Variants in SPTLC2 observed in about 807,000 individuals in gnomAD.
The protein encoded by SPTLC2 is serine palmitoyltransferase 2.
SPTLC2 carries 21 observed loss-of-function variants against 62.0 expected under a neutral mutation model. The observed-to-expected ratio is 0.34, with a 90% CI of 0.24 to 0.49. The LOEUF is 0.49. Ranked by LOEUF, SPTLC2 falls within the 20% of genes least tolerant of loss-of-function variation. The pLI is 0.99. For missense variants in SPTLC2, 511 were observed against 713.0 expected, an observed-to-expected ratio of 0.72 and a Z score of 3.23; for synonymous variants, 261 against 261.8, an observed-to-expected ratio of 1.00 and a Z score of 0.03.
chr14:77,520,335 C>T (rs2079379714), intron 10 of SPTLC2, among the ~76,000 whole-genome samples: 1 of 152,222 alleles, frequency 6.6e-6, no homozygotes, highest in African/African-American at 2.4e-5. Context: ...TTCCTTACTT[C>T]CCTTTCATTC....
At chr14:77,569,927 A>G (rs964160954) in intron 5 of SPTLC2, among the ~76,000 whole-genome samples, 1 of 127,554 alleles carries the variant, frequency 7.8e-6, no homozygotes, top group African/African-American at 2.6e-5. Context: ...AGCCTCCCAA[A>G]GCACTGGGAT....
rs71452856 is a variant in SPTLC2 at position 77,529,620 on chromosome 14, CTTTTTT to C, written c.1304-8045_1304-8040del. On this transcript the variant is annotated intron_variant, in intron 9 of 11. Coordinates refer to ENST00000216484, the MANE Select transcript of SPTLC2 (RefSeq NM_004863.4). Reference sequence around the variant, plus strand: ...TTCTAGGAAAGCAATTTCTTTCTTTCTTTTTTTTTTTTTTTTTTTTTTGAGACAGAG... The same window carrying C: ...TTCTAGGAAAGCAATTTCTTTCTTTCTTTTTTTTTTTTTTTTGAGACAGAG... 1.0e-3 allele frequency among the ~76,000 whole-genome samples: 79 copies of C among 76,058 alleles called. 1 individual carries two copies. Among genetic ancestry groups the C allele is most frequent in the African/African-American group, 3.1e-3 (76 of 24,620 alleles). 49.9% of individuals were successfully genotyped at this position (76,058 alleles called of 152,430 possible).
chr14:77,525,944 C>T (rs1419571977), intron 9 of SPTLC2, among the ~76,000 whole-genome samples: 2 of 151,990 alleles, frequency 1.3e-5, no homozygotes, highest in Non-Finnish European at 2.9e-5. Context: ...ATAAAGTGGC[C>T]TGTTATCCTT....
chr14:77,606,209 A>T (rs1457688949), intron 1 of SPTLC2, among the ~76,000 whole-genome samples: 1 of 152,214 alleles, frequency 6.6e-6, no homozygotes, highest in Non-Finnish European at 1.5e-5. Context: ...GCACGCCCAT[A>T]ATCCCAGCTA....
chr14:77,549,102 A>G (rs140441090), intron 9 of SPTLC2, among the ~76,000 whole-genome samples: 1 of 152,054 alleles, frequency 6.6e-6, no homozygotes, highest in East Asian at 1.9e-4. Flanking sequence ...AGGTGTGTGG[A>G]TCATGGGGAG....
intron 2 of SPTLC2, 115 bp downstream of exon 2, chr14:77,597,071 G>T: frequency 2.0e-6 from 2 of 985,240 alleles, no homozygotes; most frequent in South Asian, 1.5e-5. Context: ...ACTGCATCTG[G>T]AATAGTTTAA....
chr14:77,535,461 C>T (rs2079464906), intron 9 of SPTLC2: 1 of 153,158 alleles, frequency 6.5e-6, no homozygotes, highest in Admixed American at 6.5e-5. Flanking sequence ...TGAGAGCTAT[C>T]TATATTTAGA....
Position 77,579,005 on chromosome 14 carries a change from G to A in SPTLC2, c.432C>T (p.Ala144=), listed in dbSNP as rs139381733. 5.9e-5 allele frequency: 95 copies of A among 1,614,024 alleles called. No individual in the cohort carries two copies. In the African/African-American group the frequency reaches 1.2e-3, roughly 21 times the overall value. ...ACTGTCTCTCCATGATGTCCACCCT[G>A]GCTCCAGGCACACTACAGATTGGCC... is the stretch of plus-strand genomic sequence containing the variant. The part of the protein sequence containing the change: ...WNRPICSVPG[A]RVDIMERQSH... The change falls in exon 3 of 12, where the codon GCC becomes GCT. Residue 144 remains alanine, a synonymous_variant. Coordinates refer to ENST00000216484, the MANE Select transcript of SPTLC2 (RefSeq NM_004863.4).
intron 5 of SPTLC2, among the ~76,000 whole-genome samples, 157 bp from the exon 6 acceptor site, chr14:77,562,646 C>T (rs1014664857): frequency 6.6e-6 from 1 of 152,164 alleles, no homozygotes; most frequent in African/African-American, 2.4e-5. Context: ...AAGGTGTACA[C>T]GATCATTTGT....
intron 9 of SPTLC2, among the ~76,000 whole-genome samples, chr14:77,533,770 T>C (rs536493652): frequency 6.6e-6 from 1 of 152,318 alleles, no homozygotes; most frequent in African/African-American, 2.4e-5. Context: ...TTAGATTCGA[T>C]AGCAAAAGTA....
intron 3 of SPTLC2, among the ~76,000 whole-genome samples, chr14:77,578,473 T>G (rs1304776806): frequency 1.3e-5 from 2 of 151,962 alleles, no homozygotes; most frequent in African/African-American, 2.4e-5. Flanking sequence ...TCCCAGCACT[T>G]TGGGAGGCTG....
Position 77,539,483 on chromosome 14 carries a change from CTTTTTTT to C in SPTLC2, c.1303+12606_1303+12612del, listed in dbSNP as rs71128638. 2.1e-4 allele frequency among the ~76,000 whole-genome samples: 11 copies of C among 53,486 alleles called. No individual in the cohort carries two copies. In the East Asian group the frequency reaches 7.4e-3, roughly 36 times the overall value. 35.1% of individuals were successfully genotyped at this position (53,486 alleles called of 152,430 possible). A position where few individuals can be genotyped will look rare whatever the true frequency, so the allele number is the denominator to read the frequency against. On this transcript the variant is annotated intron_variant, in intron 9 of 11. Transcript: ENST00000216484. The stretch of plus-strand genomic sequence containing the variant: ...AAAATGAAAATTTTATCTTAAGAGG[CTTTTTTT>C]TTTTTTTTTTTTTTTTGGAGATGGG...
rs571638193 is a variant in SPTLC2, at chr14:77,609,235, G to C, written c.132+7213C>G. On this transcript the variant is annotated intron_variant, in intron 1 of 11. Coordinates refer to ENST00000216484, the MANE Select transcript of SPTLC2 (RefSeq NM_004863.4). ...TTTCCTTTCCTCCTCAGAAGAATTG[G>C]GAATTTGGTGTTTATCATTCCCCTG... is the stretch of plus-strand genomic sequence containing the variant. 1.1e-4 allele frequency among the ~76,000 whole-genome samples: 16 copies of C among 152,134 alleles called. No individual in the cohort carries two copies. The South Asian group carries it at 3.1e-3, about 30-fold the overall frequency.
chr14:77,536,351 G>A (rs993195616), intron 9 of SPTLC2, among the ~76,000 whole-genome samples: 1 of 151,796 alleles, frequency 6.6e-6, no homozygotes, highest in Admixed American at 6.6e-5. Flanking sequence ...GCTCACTGTA[G>A]GTCAGGTATT....
At position 77,576,790 on chromosome 14, in the gene SPTLC2, A is replaced by G. The variant is rs780627894; in HGVS notation, c.608T>C (p.Val203Ala). The G allele has an allele frequency of 6.2e-7, 1 of 1,614,070 alleles. No homozygotes were observed. The highest frequency in any genetic ancestry group is 8.5e-7 in the Non-Finnish European group (1 of 1,180,014). The change falls in exon 4 of 12, where the codon GTG becomes GCG. Residue 203 changes from valine to alanine, a missense_variant. Coordinates refer to ENST00000216484, the MANE Select transcript of SPTLC2 (RefSeq NM_004863.4). ...AKVLEEYGAG[V>A]CSTRQEIGNL... is the part of the protein sequence containing the mutation. ...ACCAATTTCCTGCCGAGTACTGCAC[A>G]CTCCAGCTCCATACTCCTCAAGGAC...
intron 5 of SPTLC2, among the ~76,000 whole-genome samples, chr14:77,564,065 A>C (rs941231429): frequency 2.0e-5 from 3 of 151,894 alleles, no homozygotes; most frequent in Non-Finnish European, 2.9e-5. Context: ...CAGCCTGGCC[A>C]ACATGGCAAA....
chr14:77,521,038 G>A (rs1487185451), intron 10 of SPTLC2, among the ~76,000 whole-genome samples: 1 of 152,100 alleles, frequency 6.6e-6, no homozygotes, highest in East Asian at 1.9e-4. Flanking sequence ...TAGTGTTATC[G>A]GCCCGCCCAC....
At chr14:77,574,869 C>T (rs988633499) in intron 4 of SPTLC2, among the ~76,000 whole-genome samples, 5 of 152,260 alleles carry the variant, frequency 3.3e-5, no homozygotes, top group African/African-American at 1.2e-4. Context: ...CCAATGAATG[C>T]TACTGAGTAT....
chr14:77,536,830 A>G (rs1260163751), intron 9 of SPTLC2, among the ~76,000 whole-genome samples: 1 of 152,240 alleles, frequency 6.6e-6, no homozygotes, highest in Non-Finnish European at 1.5e-5. Context: ...TCTGCAGTTT[A>G]GGTGAAAATC....
Sources: gnomAD v4.1 joint callset for allele counts (sites outside exome capture counted in the v4.1 genomes callset) on GRCh38, gnomAD v4.1.1 for gene constraint, MANE v1.5 for transcripts, NCBI Gene and HGNC (gene_info 2026-07-23, HGNC 2026-07-21) for gene names.